Variants in AASDH observed in about 807,000 individuals in gnomAD.
AASDH encodes beta-alanine-activating enzyme.
Under a neutral mutation model 102.3 loss-of-function variants are expected in AASDH, and 81 were observed. The observed-to-expected ratio is 0.79, with a 90% confidence interval of 0.66 to 0.95. The LOEUF is 0.95. Among genes scored for constraint, AASDH ranks in the 40% least tolerant of loss-of-function variants. The probability of loss-of-function intolerance (pLI) is 0.00; values close to 1 mark genes in which losing one functional copy is unlikely to be tolerated. For missense variants in AASDH, 1,203 were observed against 1,266.2 expected (o/e 0.95, Z 0.76); for synonymous variants, 398 against 454.0 (o/e 0.88, Z 1.57).
chr4:56,358,901 G>C (rs996383482), intron 5 of AASDH, among the ~76,000 whole-genome samples: 1 of 152,084 alleles, frequency 6.6e-6, no homozygotes, highest in Non-Finnish European at 1.5e-5. Context: ...ATTGAAAGTG[G>C]GGTATTACAA....
Position 56,338,631 on chromosome 4 carries a change from G to A in AASDH, c.3068C>T (p.Thr1023Ile), listed in dbSNP as rs200527776. Residue 1023 changes from threonine to isoleucine, a missense_variant, in exon 15 of 15, where the codon ACA becomes ATA. By Grantham distance (89) the Thr-to-Ile change is moderately conservative (BLOSUM62 -1). Coordinates refer to ENST00000205214, the MANE Select transcript of AASDH (RefSeq NM_181806.4). ...KFETTSRVYA[T>I]PFAFHNYNGS... ...ATTGTAGTTATGGAAAGCAAACGGT[G>A]TTGCATAGACCCTTGAAGTAGTTTC... 6 of 1,614,186 alleles carry A rather than the reference G, an allele frequency of 3.7e-6. No homozygotes were observed. Among genetic ancestry groups the A allele is most frequent in the Non-Finnish European group, 5.1e-6 (6 of 1,180,026 alleles).
At chr4:56,341,794 C>T (rs1176444111) in intron 14 of AASDH, among the ~76,000 whole-genome samples, 1 of 151,868 alleles carries the variant, frequency 6.6e-6, no homozygotes, top group Admixed American at 6.6e-5. Context: ...AAAAGTTGAT[C>T]TCAGGGAGGA....
rs184365834 is a variant in AASDH, at chr4:56,346,849, C to T, written c.2489-1559G>A. ...CTTGAGCCCAGGAGTTTGAGACCAGCGTGGACAACACACAGAAGCTCTGTC... is the reference window on the plus strand; with the variant it reads ...CTTGAGCCCAGGAGTTTGAGACCAGTGTGGACAACACACAGAAGCTCTGTC... On this transcript the variant is annotated intron_variant, in intron 11 of 14. Coordinates refer to ENST00000205214, the MANE Select transcript of AASDH (RefSeq NM_181806.4). 2.6e-3 allele frequency among the ~76,000 whole-genome samples: 394 copies of T among 151,930 alleles called. 4 individuals carry two copies. Among genetic ancestry groups the T allele is most frequent in the African/African-American group, 8.9e-3 (370 of 41,444 alleles).
At chr4:56,351,156 T>C (rs1353015687) in intron 10 of AASDH, among the ~76,000 whole-genome samples, 186 bp downstream of exon 10, 1 of 152,206 alleles carries the variant, frequency 6.6e-6, no homozygotes, top group Non-Finnish European at 1.5e-5. Context: ...AAACTTAATC[T>C]AGTCTTATAG....
Position 56,342,795 on chromosome 4 carries a change from A to G in AASDH, c.2907+40T>C, listed in dbSNP as rs757099919. On this transcript the variant is annotated intron_variant, in intron 14 of 14. Transcript: ENST00000205214. ...ATTTTTTATATATACATTTATATAT[A>G]TATAAAAATGTATATATAAAAAATT... 4.9e-6 allele frequency: 4 copies of G among 812,116 alleles called. No homozygotes were observed. In the South Asian group the frequency reaches 2.0e-4, roughly 41 times the overall value. The allele number at this position is 812,116 out of a possible 1,614,324, so 50.3% of individuals were successfully genotyped here.
chr4:56,362,641 A>G (rs1750444104), intron 5 of AASDH, among the ~76,000 whole-genome samples: 1 of 152,156 alleles, frequency 6.6e-6, no homozygotes, highest in Admixed American at 6.6e-5. Flanking sequence ...AAATCTATAT[A>G]AGGAGCGCTT....
At position 56,382,617 on chromosome 4, in the gene AASDH, G is replaced by T. The variant is rs1352433055; in HGVS notation, c.231-20C>A. 4 of 1,600,158 alleles carry T rather than the reference G, an allele frequency of 2.5e-6. No homozygotes were observed. The stretch of plus-strand genomic sequence containing the variant: ...AGAATTCTAAAGAAAAAAGTACACA[G>T]TCAGCATAGAATGTCTGTTGATTTA... On this transcript the variant is annotated intron_variant, in intron 2 of 14. Transcript: ENST00000205214.
At chr4:56,343,044 A>G (rs1194871516) in intron 13 of AASDH, 78 bp from the exon 14 acceptor site, 1 of 1,336,488 alleles carries the variant, frequency 7.5e-7, no homozygotes, top group East Asian at 3.0e-5. Context: ...AAACTCATAC[A>G]TCTCCTAGGG....
intron 10 of AASDH, among the ~76,000 whole-genome samples, chr4:56,351,072 A>C (rs796411586): frequency 6.6e-6 from 1 of 152,224 alleles, no homozygotes; most frequent in African/African-American, 2.4e-5. Context: ...TCTTAGAGAA[A>C]AGTTATGTCA....
chr4:56,338,527 G>T lies in AASDH; in HGVS notation c.3172C>A (p.Gln1058Lys). The change falls in exon 15 of 15, where the codon CAA (glutamine) becomes AAA (lysine). Residue 1058 changes from glutamine to lysine, a missense_variant. Physicochemically the swap from Gln to Lys is moderately conservative, Grantham distance 53 (BLOSUM62 1). Coordinates refer to ENST00000205214, the MANE Select transcript of AASDH (RefSeq NM_181806.4). ...TCTCCAGGAAGTTCATAAACACTTT[G>T]CAATTGTCCACTCTGAGATTCCAAG... Reference protein sequence around the residue: ...WILESQSGQLQSVYELPGEVF... With the variant: ...WILESQSGQLKSVYELPGEVF... 7 of 1,612,700 alleles carry T rather than the reference G, an allele frequency of 4.3e-6. No homozygotes were observed. The highest frequency in any genetic ancestry group is 5.9e-6 in the Non-Finnish European group (7 of 1,179,614).
Position 56,351,355 on chromosome 4 carries a change from T to C in AASDH, c.1679A>G (p.Gln560Arg). The change falls in exon 10 of 15, where the codon CAG becomes CGG. Residue 560 changes from glutamine to arginine, a missense_variant. Coordinates refer to ENST00000205214, the MANE Select transcript of AASDH (RefSeq NM_181806.4). ...SGKEDLWEKL[Q>R]YLWKSTLNLP... is the part of the protein sequence containing the mutation. ...TAAAAATTGTACCTTCCACAAATAC[T>C]GTAATTTTTCCCAAAGGTCCTCTTT... The C allele has an allele frequency of 6.3e-7, 1 of 1,576,184 alleles. No individual in the cohort carries two copies. The highest frequency in any genetic ancestry group is 1.7e-5 in the Admixed American group (1 of 58,676).
At chr4:56,353,638 C>T in intron 8 of AASDH, 42 bp from the exon 9 acceptor site, 1 of 1,508,642 alleles carries the variant, frequency 6.6e-7, no homozygotes, top group Non-Finnish European at 8.9e-7. Flanking sequence ...AGGATATTTA[C>T]AAACAAGCTT....
At chr4:56,379,132 C>T (rs934537923) in intron 3 of AASDH, among the ~76,000 whole-genome samples, 8 of 152,088 alleles carry the variant, frequency 5.3e-5, no homozygotes, top group Non-Finnish European at 1.2e-4. Context: ...CATGATCCGC[C>T]AGCTTCAGCC....
At chr4:56,385,299 G>A (rs187462267) in intron 1 of AASDH, among the ~76,000 whole-genome samples, 91 of 152,176 alleles carry the variant, frequency 6.0e-4, no homozygotes, top group African/African-American at 2.1e-3. Flanking sequence ...TTGTATAATT[G>A]TCAAGAAGTA....
At position 56,371,448 on chromosome 4, in the gene AASDH, T is replaced by C; in HGVS notation, c.861+3A>G. ...CAAAACGTTCATTGCTACTAAAATG[T>C]ACCTGCAAAACAGTCACTCTATGAT... On this transcript the variant is annotated splice_donor_region_variant and intron_variant, in intron 5 of 14. Coordinates refer to ENST00000205214, the MANE Select transcript of AASDH (RefSeq NM_181806.4). The C allele has an allele frequency of 6.3e-7, 1 of 1,590,940 alleles. No individual in the cohort carries two copies. Among genetic ancestry groups the C allele is most frequent in the Non-Finnish European group, 8.5e-7 (1 of 1,174,358 alleles).
intron 5 of AASDH, among the ~76,000 whole-genome samples, chr4:56,355,744 G>C (rs568188197): frequency 2.0e-5 from 3 of 151,788 alleles, no homozygotes; most frequent in Admixed American, 1.3e-4. Context: ...TCAGCCTCCT[G>C]AACAGCTTGG....
At chr4:56,351,127 C>CA (rs1447408517) in intron 10 of AASDH, among the ~76,000 whole-genome samples, 1 of 152,140 alleles carries the variant, frequency 6.6e-6, no homozygotes, top group Non-Finnish European at 1.5e-5. Flanking sequence ...ACTTCACTTT[C>CA]AATAAATTTC....
chr4:56,348,556 AG>A (rs1358101204), intron 11 of AASDH, among the ~76,000 whole-genome samples: 1 of 152,128 alleles, frequency 6.6e-6, no homozygotes, highest in Non-Finnish European at 1.5e-5. Flanking sequence ...CGCCTGGCTG[AG>A]TTATGCCCTT....
In AASDH at chr4:56,378,148, C is replaced by T. The variant is rs73240543; in HGVS notation, c.668G>A (p.Arg223Gln). Residue 223 changes from arginine to glutamine, a missense_variant and splice_region_variant, in exon 4 of 15, where the codon CGG becomes CAG. Physicochemically the swap from Arg to Gln is conservative, Grantham distance 43. Transcript: ENST00000205214. ...KCIVPNIQHF[R>Q]VLFDITQEDV... Reference sequence around the variant, plus strand: ...GAAAGAGTCAAAGACTAGAACTTACCGAAAATGCTGGATATTTGGTACTAT... The same window carrying T: ...GAAAGAGTCAAAGACTAGAACTTACTGAAAATGCTGGATATTTGGTACTAT... The T allele has an allele frequency of 3.1e-6, 5 of 1,593,486 alleles. No homozygotes were observed. The highest frequency in any genetic ancestry group is 2.3e-5 in the South Asian group (2 of 87,322).
Sources: allele counts gnomAD v4.1 joint callset (sites outside exome capture counted in the v4.1 genomes callset), GRCh38; gene constraint gnomAD v4.1.1; transcripts MANE v1.5; gene names NCBI Gene and HGNC (gene_info 2026-07-23, HGNC 2026-07-21).